Variants in FMNL2 observed in about 807,000 individuals in gnomAD.
FMNL2 encodes formin like 2, also known as formin-like protein 2.
In FMNL2, 51 loss-of-function variants were observed where a neutral mutation model predicts 130.2. The ratio of observed to expected loss-of-function variants is 0.39; its 90% confidence interval spans 0.31 to 0.49. The LOEUF is 0.49. Among genes scored for constraint, FMNL2 ranks in the 20% least tolerant of loss-of-function variants. The probability of loss-of-function intolerance (pLI) is 0.85; values close to 1 mark genes in which losing one functional copy is unlikely to be tolerated. For synonymous variants in FMNL2, 465 were observed against 467.1 expected, an observed-to-expected ratio of 1.00 and a Z score of 0.06; for missense variants, 977 against 1,316.2, an observed-to-expected ratio of 0.74 and a Z score of 3.99.
chr2:152,639,455 T>C (rs1479825332), intron 23 of FMNL2, among the ~76,000 whole-genome samples: 1 of 152,218 alleles, frequency 6.6e-6, no homozygotes, highest in Non-Finnish European at 1.5e-5. Context: ...TCTAGATTCA[T>C]CAGACTAGTC....
At chr2:152,406,280 T>A (rs1265521486) in intron 1 of FMNL2, among the ~76,000 whole-genome samples, 1 of 152,200 alleles carries the variant, frequency 6.6e-6, no homozygotes, top group Non-Finnish European at 1.5e-5. Flanking sequence ...GGAACTGAGA[T>A]AGTTATCTAC....
chr2:152,395,103 T>TA (rs1001852127), intron 1 of FMNL2, among the ~76,000 whole-genome samples: 17 of 152,250 alleles, frequency 1.1e-4, no homozygotes, highest in African/African-American at 3.6e-4. Context: ...AGCTGTAATT[T>TA]AAAAAAAATC....
At position 152,461,193 on chromosome 2, in the gene FMNL2, G is replaced by A. The variant is rs1232046641; in HGVS notation, c.118-60750G>A. Among the ~76,000 whole-genome samples the A allele has an allele frequency of 2.6e-5, 4 of 152,170 alleles. No individual in the cohort carries two copies. The South Asian group carries it at 8.3e-4, about 32-fold the overall frequency. On this transcript the variant is annotated intron_variant, in intron 1 of 25. Coordinates refer to ENST00000288670, the MANE Select transcript of FMNL2 (RefSeq NM_052905.4). Reference sequence around the variant, plus strand: ...GAACTTTAAATTTCCCAGTAGCCACGTTAGGAGATAAGAAAGAAACAGTTC... The same window carrying A: ...GAACTTTAAATTTCCCAGTAGCCACATTAGGAGATAAGAAAGAAACAGTTC...
chr2:152,414,389 C>G (rs1686488333), intron 1 of FMNL2, among the ~76,000 whole-genome samples: 1 of 152,144 alleles, frequency 6.6e-6, no homozygotes, highest in Non-Finnish European at 1.5e-5. Flanking sequence ...GTAGCTCTTA[C>G]TTGCTGAACC....
chr2:152,547,141 C>T (rs998534608), intron 3 of FMNL2, among the ~76,000 whole-genome samples: 13 of 152,202 alleles, frequency 8.5e-5, no homozygotes, highest in African/African-American at 2.6e-4. Context: ...CAGAGTTTCT[C>T]CATGTTGGCC....
chr2:152,586,189 C>A (rs1158708120), intron 9 of FMNL2, among the ~76,000 whole-genome samples: 1 of 152,206 alleles, frequency 6.6e-6, no homozygotes, highest in African/African-American at 2.4e-5. Flanking sequence ...GCTCAACTCC[C>A]TCCCACTTTT....
At chr2:152,374,706 T>C (rs1171509297) in intron 1 of FMNL2, among the ~76,000 whole-genome samples, 1 of 152,346 alleles carries the variant, frequency 6.6e-6, no homozygotes, top group Middle Eastern at 3.4e-3. Context: ...CAGCATTTAG[T>C]GAAACATGCT....
In FMNL2 at chr2:152,626,743, T is replaced by C. The variant is rs7604573; in HGVS notation, c.2165+16T>C. On this transcript the variant is annotated intron_variant, in intron 17 of 25. Coordinates refer to ENST00000288670, the MANE Select transcript of FMNL2 (RefSeq NM_052905.4). Reference sequence around the variant, plus strand: ...CTATTCATGTGTAAGTTCAGGAAAATTATATTCTAGTTAGTTTATGATAAA... The same window carrying C: ...CTATTCATGTGTAAGTTCAGGAAAACTATATTCTAGTTAGTTTATGATAAA... 743,047 of 1,585,396 alleles carry C rather than the reference T, an allele frequency of 0.47. 179,068 individuals carry two copies. The highest frequency in any genetic ancestry group is 0.83 in the East Asian group (36,867 of 44,310).
At chr2:152,581,151 A>T (rs1696755914) in intron 9 of FMNL2, 102 bp downstream of exon 9, 2 of 941,152 alleles carry the variant, frequency 2.1e-6, no homozygotes, top group Non-Finnish European at 3.1e-6. Context: ...GGCCTAAGGA[A>T]TATAATAGTT....
chr2:152,646,130 G>C (rs1412969954), intron 25 of FMNL2, among the ~76,000 whole-genome samples: 13 of 148,140 alleles, frequency 8.8e-5, no homozygotes, highest in Non-Finnish European at 1.6e-4. Context: ...GATCACCCTG[G>C]GCAATGAAGC....
chr2:152,628,548 T>C lies in FMNL2; in HGVS notation c.2400+15T>C. On this transcript the variant is annotated intron_variant, in intron 18 of 25. Coordinates refer to ENST00000288670, the MANE Select transcript of FMNL2 (RefSeq NM_052905.4). ...TGCTGACTCCTGTGAGTGGACTGAC[T>C]CTGGCAGGGGAGGGGGTCCAAAGAA... 1 of 1,603,782 alleles carries C rather than the reference T, an allele frequency of 6.2e-7. No homozygotes were observed.
chr2:152,643,565 G>A (rs1683285175), intron 25 of FMNL2: 3 of 1,534,872 alleles, frequency 2.0e-6, no homozygotes, highest in South Asian at 1.2e-5. Context: ...GTTTTTTGAT[G>A]TCTTATGTCC....
At chr2:152,622,188 A>G (rs1037490814) in intron 15 of FMNL2, among the ~76,000 whole-genome samples, 1 of 152,072 alleles carries the variant, frequency 6.6e-6, no homozygotes, top group Non-Finnish European at 1.5e-5. Context: ...GTCTGGGAGG[A>G]TGTGCTCGGA....
In FMNL2 at chr2:152,630,006, A is replaced by G. The variant is rs1411507465; in HGVS notation, c.2550+101A>G. 2.8e-6 allele frequency: 3 copies of G among 1,079,710 alleles called. No homozygotes were observed. In the East Asian group the frequency reaches 7.8e-5, roughly 28 times the overall value. 66.9% of individuals were successfully genotyped at this position (1,079,710 alleles called of 1,614,324 possible). A position where few individuals can be genotyped will look rare whatever the true frequency, so the allele number is the denominator to read the frequency against. Reference sequence around the variant, plus strand: ...GATGTTTTGATGAATATTTTCTGCTATGGGAGGATCAACTGGTACTAATTT... The same window carrying G: ...GATGTTTTGATGAATATTTTCTGCTGTGGGAGGATCAACTGGTACTAATTT... On this transcript the variant is annotated intron_variant, in intron 20 of 25. Coordinates refer to ENST00000288670, the MANE Select transcript of FMNL2 (RefSeq NM_052905.4).
chr2:152,456,460 C>A (rs1320667804), intron 1 of FMNL2, among the ~76,000 whole-genome samples: 1 of 152,150 alleles, frequency 6.6e-6, no homozygotes, highest in Non-Finnish European at 1.5e-5. Context: ...CCTTGGCCTC[C>A]CAAAGTGCTG....
chr2:152,513,794 G>A (rs1218237887), intron 1 of FMNL2, among the ~76,000 whole-genome samples: 1 of 152,098 alleles, frequency 6.6e-6, no homozygotes, highest in Admixed American at 6.6e-5. Flanking sequence ...CCCTTTGTGA[G>A]CTTCACTGGC....
intron 1 of FMNL2, among the ~76,000 whole-genome samples, chr2:152,455,581 T>A (rs890564933): frequency 4.6e-5 from 7 of 152,306 alleles, no homozygotes; most frequent in Admixed American, 1.3e-4. Flanking sequence ...GGTGCTGTAC[T>A]AAGACTTAAC....
At chr2:152,359,846 A>G (rs1683060358) in intron 1 of FMNL2, among the ~76,000 whole-genome samples, 1 of 152,122 alleles carries the variant, frequency 6.6e-6, no homozygotes, top group Non-Finnish European at 1.5e-5. Context: ...GCGATGTTTC[A>G]TGTGTATTTC....
chr2:152,543,440 A>G (rs1388673136), intron 3 of FMNL2, among the ~76,000 whole-genome samples: 1 of 152,154 alleles, frequency 6.6e-6, no homozygotes, highest in Non-Finnish European at 1.5e-5. Context: ...GGCCTGAATC[A>G]GTCCTGGGAT....
Sources: allele counts gnomAD v4.1 joint callset (sites outside exome capture counted in the v4.1 genomes callset), GRCh38; gene constraint gnomAD v4.1.1; transcripts MANE v1.5; gene names NCBI Gene and HGNC (gene_info 2026-07-23, HGNC 2026-07-21).